The following ZNF148 variants were observed in gnomAD, a reference collection of about 807,000 sequenced individuals.
The protein encoded by ZNF148 is Beta-Enolase Repressor Factor-1.
In ZNF148, 7 loss-of-function variants were observed where a neutral mutation model predicts 67.7. The ratio of observed to expected loss-of-function variants is 0.10; its 90% confidence interval spans 0.06 to 0.19. The LOEUF (loss-of-function observed/expected upper bound fraction) is 0.19. ZNF148 is among the 10% of genes least tolerant of loss of function. The pLI is 1.00. For synonymous variants in ZNF148, 333 were observed against 330.7 expected, an observed-to-expected ratio of 1.01 and a Z score of -0.08; for missense variants, 583 against 947.1, an observed-to-expected ratio of 0.62 and a Z score of 5.05.
At chr3:125,370,519 A>C (rs1417823205) in intron 1 of ZNF148, among the ~76,000 whole-genome samples, 1 of 152,242 alleles carries the variant, frequency 6.6e-6, no homozygotes, top group Non-Finnish European at 1.5e-5. Flanking sequence ...TACCATTTGC[A>C]AAACAAAGAG....
Position 125,233,755 on chromosome 3 carries a change from G to A in ZNF148, c.971C>T (p.Ser324Leu), listed in dbSNP as rs866761333. The change falls in exon 9 of 9, where the codon TCA becomes TTA. Residue 324 changes from serine (S) to leucine (L), a missense_variant. Around this residue, in one of 5 missense-constraint regions of ZNF148, gnomAD observed 78 missense variants for 86.5 expected, o/e 0.90. Transcript: ENST00000360647. The surrounding 1 kb of genome is among the most constrained non-coding windows in gnomAD (Gnocchi z 5.1). ...KKKRQKTEKK[S>L]SGMDKESALD... ...AGCACTCTCTTTGTCCATTCCAGAT[G>A]ATTTTTTCTCCGTTTTCTGCCTTTT... The A allele has an allele frequency of 6.8e-6, 11 of 1,613,670 alleles. No individual in the cohort carries two copies. The highest frequency in any genetic ancestry group is 9.3e-6 in the Non-Finnish European group (11 of 1,179,838).
chr3:125,347,265 A>C (rs982930670), intron 1 of ZNF148, among the ~76,000 whole-genome samples: 1 of 152,230 alleles, frequency 6.6e-6, no homozygotes, highest in African/African-American at 2.4e-5. Context: ...TACTTCACCA[A>C]ATCACCTACT....
At chr3:125,254,790 T>A (rs1937000027) in intron 7 of ZNF148, among the ~76,000 whole-genome samples, 1 of 152,230 alleles carries the variant, frequency 6.6e-6, no homozygotes, top group African/African-American at 2.4e-5. Context: ...TGTTTTGATA[T>A]GAATCTAACT....
chr3:125,257,511 C>T (rs754167855), intron 7 of ZNF148, among the ~76,000 whole-genome samples: 2 of 148,010 alleles, frequency 1.4e-5, no homozygotes, highest in Admixed American at 6.8e-5. Flanking sequence ...GCTGAGATCA[C>T]GCCACTGCAC....
intron 7 of ZNF148, among the ~76,000 whole-genome samples, chr3:125,254,199 TGA>T (rs1936969417): frequency 6.6e-6 from 1 of 152,200 alleles, no homozygotes; most frequent in African/African-American, 2.4e-5. Context: ...CCCTTTCTTA[TGA>T]CTATGTAGAT....
intron 7 of ZNF148, among the ~76,000 whole-genome samples, chr3:125,269,540 A>G (rs1272064828): frequency 6.6e-6 from 1 of 152,194 alleles, no homozygotes; most frequent in East Asian, 1.9e-4. Context: ...ACTGTGAAAA[A>G]CAGTCTGGAG....
chr3:125,349,095 A>T (rs1310691059), intron 1 of ZNF148, among the ~76,000 whole-genome samples: 1 of 152,248 alleles, frequency 6.6e-6, no homozygotes, highest in Non-Finnish European at 1.5e-5. Context: ...CTCAAAATAG[A>T]TTAGAAACTT....
chr3:125,259,141 T>C (rs1937224909), intron 7 of ZNF148, among the ~76,000 whole-genome samples: 1 of 152,104 alleles, frequency 6.6e-6, no homozygotes, highest in Non-Finnish European at 1.5e-5. Flanking sequence ...ACATATCCAA[T>C]AAATGAAAAA....
At chr3:125,241,112 G>A (rs1936333603) in intron 7 of ZNF148, among the ~76,000 whole-genome samples, 1 of 150,084 alleles carries the variant, frequency 6.7e-6, no homozygotes, top group Non-Finnish European at 1.5e-5. Context: ...AGCCATTCTA[G>A]ATATTTTTAA....
intron 2 of ZNF148, among the ~76,000 whole-genome samples, chr3:125,329,130 T>C (rs1002743080): frequency 2.0e-5 from 3 of 150,702 alleles, no homozygotes; most frequent in African/African-American, 7.3e-5. Context: ...CCTAAGTGTA[T>C]ACACCTATCA....
At chr3:125,347,716 A>C (rs891360257) in intron 1 of ZNF148, among the ~76,000 whole-genome samples, 8 of 151,836 alleles carry the variant, frequency 5.3e-5, no homozygotes, top group Admixed American at 5.3e-4. Flanking sequence ...CTTTTTATAG[A>C]GGTGGGGTCT....
chr3:125,375,296 C>T lies in ZNF148; in HGVS notation c.-428G>A, dbSNP rs775708663. The T allele has an allele frequency of 5.2e-5, 8 of 154,274 alleles. No homozygotes were observed. Among genetic ancestry groups the T allele is most frequent in the Non-Finnish European group, 8.6e-5 (6 of 69,534 alleles). The allele number at this position is 154,274 out of a possible 1,614,324, so 9.6% of individuals were successfully genotyped here. ...CCTCCTCCTCTTCCTCCTTCTCTTCCTCCTCCCAGAGCAGTAGAGACGCAG... is the reference window on the plus strand; with the variant it reads ...CCTCCTCCTCTTCCTCCTTCTCTTCTTCCTCCCAGAGCAGTAGAGACGCAG... On this transcript the variant is annotated 5_prime_UTR_variant, in exon 1 of 9. Transcript: ENST00000360647.
chr3:125,324,043 A>AT (rs1421417543), intron 2 of ZNF148, among the ~76,000 whole-genome samples: 2 of 152,138 alleles, frequency 1.3e-5, no homozygotes, highest in East Asian at 1.9e-4. Context: ...GGAAATTCAG[A>AT]TAATTACAAA....
intron 7 of ZNF148, among the ~76,000 whole-genome samples, chr3:125,238,646 C>A (rs887295916): frequency 2.0e-5 from 3 of 152,106 alleles, no homozygotes; most frequent in Non-Finnish European, 4.4e-5. Context: ...AAAACGCACA[C>A]ACAAATGAAA....
At chr3:125,355,653 G>A (rs564264425) in intron 1 of ZNF148, among the ~76,000 whole-genome samples, 34 of 152,064 alleles carry the variant, frequency 2.2e-4, no homozygotes, top group African/African-American at 7.5e-4. Flanking sequence ...TTGGGAGGCC[G>A]AGGCAGGAGG....
At chr3:125,299,523 A>T (rs2107646913) in intron 4 of ZNF148, among the ~76,000 whole-genome samples, 1 of 152,318 alleles carries the variant, frequency 6.6e-6, no homozygotes, top group Admixed American at 6.5e-5. Context: ...AAATAAAAAT[A>T]ATAAAGTCAT....
chr3:125,275,882 C>A (rs1011802318), intron 7 of ZNF148, among the ~76,000 whole-genome samples: 2 of 152,144 alleles, frequency 1.3e-5, no homozygotes, highest in Non-Finnish European at 2.9e-5. Context: ...CTTAACTTAG[C>A]CTCATGTGGC....
At chr3:125,361,466 G>A (rs1175395531) in intron 1 of ZNF148, among the ~76,000 whole-genome samples, 3 of 152,008 alleles carry the variant, frequency 2.0e-5, no homozygotes, top group Non-Finnish European at 4.4e-5. Flanking sequence ...TCTACACCCT[G>A]ACCTTCAAAA....
At chr3:125,271,390 G>A (rs1024264080) in intron 7 of ZNF148, among the ~76,000 whole-genome samples, 1 of 152,196 alleles carries the variant, frequency 6.6e-6, no homozygotes, top group African/African-American at 2.4e-5. Flanking sequence ...TCAGCGAAGC[G>A]TAGAAGGCTA....
Sources: gnomAD v4.1 joint callset for allele counts (sites outside exome capture counted in the v4.1 genomes callset) on GRCh38, gnomAD v4.1.1 for gene constraint, gnomAD v4.1.1 regional missense constraint, Gnocchi (gnomAD v3.1) non-coding constraint, MANE v1.5 for transcripts, NCBI Gene and HGNC (gene_info 2026-07-23, HGNC 2026-07-21) for gene names.